Variants in MTUS1 observed in about 807,000 individuals in gnomAD.
MTUS1 encodes the protein microtubule-associated tumor suppressor 1.
Under a neutral mutation model 120.8 loss-of-function variants are expected in MTUS1, and 109 were observed. The ratio of observed to expected loss-of-function variants is 0.90; its 90% CI spans 0.77 to 1.06. The LOEUF is 1.06. MTUS1 is among the 50% of genes least tolerant of loss of function. The pLI, the probability that MTUS1 is intolerant of heterozygous loss-of-function variation, is 0.00. For missense variants in MTUS1, 2,210 were observed against 1,486.3 expected (o/e 1.49, Z -8.01); for synonymous variants, 737 against 550.5 (o/e 1.34, Z -4.74).
At position 17,795,667 on chromosome 8, in the gene MTUS1, T is replaced by C. The variant is rs936975312; in HGVS notation, c.-155+5394A>G. On this transcript the variant is annotated intron_variant, in intron 1 of 14. Coordinates refer to ENST00000693296, the MANE Select transcript of MTUS1 (RefSeq NM_001363059.2). ...TCCTTTTATTCCTTTTTAGACAGAGTCTTACTCTGTCACCCAGGCTAGAGG... is the reference window on the plus strand; with the variant it reads ...TCCTTTTATTCCTTTTTAGACAGAGCCTTACTCTGTCACCCAGGCTAGAGG... Among the ~76,000 whole-genome samples the C allele has an allele frequency of 2.6e-5, 4 of 152,208 alleles. 1 individual carries two copies. The highest frequency in any genetic ancestry group is 2.6e-4 in the Admixed American group (4 of 15,268).
intron 1 of MTUS1, among the ~76,000 whole-genome samples, chr8:17,768,602 C>A (rs1322641693): frequency 6.6e-6 from 1 of 152,028 alleles, no homozygotes; most frequent in Admixed American, 6.6e-5. Context: ...CTCAAAGCCA[C>A]ATGAGGTTTG....
chr8:17,711,123 G>C (rs987440866), intron 6 of MTUS1, among the ~76,000 whole-genome samples: 5 of 152,144 alleles, frequency 3.3e-5, no homozygotes, highest in Admixed American at 6.6e-5. Context: ...AAGGGCCCTA[G>C]AATTTTCAGA....
chr8:17,648,150 G>A (rs1243214746), intron 13 of MTUS1, among the ~76,000 whole-genome samples: 1 of 152,176 alleles, frequency 6.6e-6, no homozygotes, highest in African/African-American at 2.4e-5. Flanking sequence ...AGCTGATTAT[G>A]GGCAGTGCCG....
At chr8:17,681,094 T>C (rs1202447464) in intron 7 of MTUS1, among the ~76,000 whole-genome samples, 1 of 152,028 alleles carries the variant, frequency 6.6e-6, no homozygotes, top group East Asian at 1.9e-4. Flanking sequence ...CCACCACACA[T>C]GGCTAATTTT....
chr8:17,697,309 T>G lies in MTUS1; in HGVS notation c.2624-12767A>C, dbSNP rs1305970790. 1.9e-6 allele frequency: 3 copies of G among 1,614,014 alleles called. No individual in the cohort carries two copies. In the African/African-American group the frequency reaches 4.0e-5, roughly 22 times the overall value. Reference sequence around the variant, plus strand: ...TAAACCCTGAAGGAAGTCGAAGGTTTCGAAGCAATCCTTTGGCCGTCAGTC... The same window carrying G: ...TAAACCCTGAAGGAAGTCGAAGGTTGCGAAGCAATCCTTTGGCCGTCAGTC... On this transcript the variant is annotated intron_variant, in intron 6 of 14. Coordinates refer to ENST00000693296, the MANE Select transcript of MTUS1 (RefSeq NM_001363059.2).
intron 1 of MTUS1, among the ~76,000 whole-genome samples, chr8:17,769,677 GT>G (rs1182354099): frequency 1.3e-5 from 2 of 152,004 alleles, no homozygotes; most frequent in Non-Finnish European, 1.5e-5. Context: ...AAGGAAAATG[GT>G]TTAACATTTT....
intron 2 of MTUS1, among the ~76,000 whole-genome samples, chr8:17,746,326 C>A (rs7814819): frequency 1.3e-5 from 2 of 152,196 alleles, no homozygotes; most frequent in African/African-American, 4.8e-5. Flanking sequence ...TCTATACATC[C>A]CAACTCAGCA....
intron 1 of MTUS1, 32 bp downstream of exon 1, chr8:17,801,029 G>A (rs1305100773): frequency 6.6e-6 from 1 of 152,328 alleles, no homozygotes; most frequent in Non-Finnish European, 1.5e-5. Context: ...CCGGCCGCCG[G>A]GCAGCGGGAA....
At chr8:17,708,749 C>G (rs113349234) in intron 6 of MTUS1, 69 of 152,300 alleles carry the variant, frequency 4.5e-4, no homozygotes, top group African/African-American at 1.6e-3. Flanking sequence ...GCTTTAGTAA[C>G]CACATATATT....
Position 17,755,318 on chromosome 8 carries a change from T to C in MTUS1, c.490A>G (p.Thr164Ala), listed in dbSNP as rs1586191095. 2 of 1,614,242 alleles carry C rather than the reference T, an allele frequency of 1.2e-6. No homozygotes were observed. Among genetic ancestry groups the C allele is most frequent in the Non-Finnish European group, 1.7e-6 (2 of 1,180,046 alleles). ...AAGGTGCAGTTAACTTTATCCACTG[T>C]CATGTCAAATGTTTGGTTTAGCTCC... is the stretch of plus-strand genomic sequence containing the variant. ...ALELNQTFDMTVDKVNCTFIS... is the reference protein window; with the variant it reads ...ALELNQTFDMAVDKVNCTFIS... Residue 164 changes from threonine to alanine, a missense_variant, in exon 2 of 15, where the codon ACA becomes GCA. Coordinates refer to ENST00000693296, the MANE Select transcript of MTUS1 (RefSeq NM_001363059.2).
intron 6 of MTUS1, among the ~76,000 whole-genome samples, chr8:17,691,614 T>G (rs1459241208): frequency 6.6e-6 from 1 of 152,146 alleles, no homozygotes; most frequent in East Asian, 1.9e-4. Flanking sequence ...ACTACATCTC[T>G]CGTTCTTCTT....
intron 3 of MTUS1, among the ~76,000 whole-genome samples, chr8:17,738,816 C>T (rs1236252984): frequency 6.6e-6 from 1 of 152,014 alleles, no homozygotes; most frequent in Non-Finnish European, 1.5e-5. Flanking sequence ...AACCATTCAG[C>T]TGGGCAACAA....
chr8:17,768,279 G>A (rs1286765628), intron 1 of MTUS1, among the ~76,000 whole-genome samples: 2 of 152,084 alleles, frequency 1.3e-5, no homozygotes, highest in African/African-American at 4.8e-5. Context: ...TGTGAGCTCA[G>A]GATATTAATT....
intron 8 of MTUS1, among the ~76,000 whole-genome samples, chr8:17,662,349 ATTTTTT>A (rs35308070): frequency 2.5e-4 from 28 of 112,682 alleles, no homozygotes; most frequent in South Asian, 5.6e-4. Flanking sequence ...TTTTGTCCCT[ATTTTTT>A]TTTTTTTTTT....
At position 17,754,797 on chromosome 8, in the gene MTUS1, C is replaced by G. The variant is rs767003843; in HGVS notation, c.1011G>C (p.Leu337=). The part of the protein sequence containing the change: ...SYRHKEMGQN[L]RETVSYCLID... ...TAAGACAATAGGACACTGTCTCTCT[C>G]AGATTTTGGCCCATTTCCTTGTGCC... Residue 337 remains leucine, a synonymous_variant, in exon 2 of 15, where the codon CTG becomes CTC. Transcript: ENST00000693296. 8.7e-6 allele frequency: 14 copies of G among 1,614,114 alleles called. No individual in the cohort carries two copies. The highest frequency in any genetic ancestry group is 1.6e-4 in the Middle Eastern group (1 of 6,084).
At chr8:17,721,876 C>T (rs2045871805) in intron 4 of MTUS1, 2 of 1,613,734 alleles carry the variant, frequency 1.2e-6, no homozygotes, top group South Asian at 2.2e-5. Context: ...TTCTGTACAA[C>T]TGCGAAATCC....
At chr8:17,771,783 A>T (rs1374796101) in intron 1 of MTUS1, among the ~76,000 whole-genome samples, 1 of 152,252 alleles carries the variant, frequency 6.6e-6, no homozygotes, top group Non-Finnish European at 1.5e-5. Context: ...AGATCGACTA[A>T]CATGGATAAT....
intron 7 of MTUS1, among the ~76,000 whole-genome samples, chr8:17,681,230 G>A (rs1000844890): frequency 1.3e-5 from 2 of 151,974 alleles, no homozygotes; most frequent in South Asian, 2.1e-4. Flanking sequence ...CACAGCGCCC[G>A]GCCTGCATTT....
Position 17,710,350 on chromosome 8 carries a change from C to T in MTUS1, c.2623+2864G>A, listed in dbSNP as rs991371210. Among the ~76,000 whole-genome samples, 7 of 152,292 alleles carry T rather than the reference C, an allele frequency of 4.6e-5. No individual in the cohort carries two copies. In the South Asian group the frequency reaches 6.2e-4, roughly 14 times the overall value. On this transcript the variant is annotated intron_variant, in intron 6 of 14. Transcript: ENST00000693296. Reference sequence around the variant, plus strand: ...CACTGCTTTAAGTTTATGGAATATTCGGACTCCTTTGTCATTTCAACAGTG... The same window carrying T: ...CACTGCTTTAAGTTTATGGAATATTTGGACTCCTTTGTCATTTCAACAGTG...
Sources: gnomAD v4.1 joint callset for allele counts (sites outside exome capture counted in the v4.1 genomes callset) on GRCh38, gnomAD v4.1.1 for gene constraint, MANE v1.5 for transcripts, NCBI Gene and HGNC (gene_info 2026-07-23, HGNC 2026-07-21) for gene names.